The following CDH12 variants were observed in gnomAD, a reference collection of about 807,000 sequenced individuals.
CDH12 encodes the protein cadherin 12, also known as cadherin-12.
A neutral mutation model predicts 74.1 loss-of-function variants in CDH12; 41 were observed. The ratio of observed to expected loss-of-function variants is 0.55; its 90% CI spans 0.43 to 0.72. The LOEUF is 0.72. CDH12 is among the 30% of genes least tolerant of loss of function. The pLI is 0.00. For synonymous variants in CDH12, 399 were observed against 355.0 expected (o/e 1.12, Z -1.39); for missense variants, 945 against 977.2 (o/e 0.97, Z 0.44).
chr5:22,685,035 T>G (rs1171524273), intron 1 of CDH12, among the ~76,000 whole-genome samples: 1 of 152,144 alleles, frequency 6.6e-6, no homozygotes. Flanking sequence ...AATAAAGACC[T>G]CTACGTACAT....
At chr5:22,560,761 T>C (rs1341432385) in intron 1 of CDH12, among the ~76,000 whole-genome samples, 1 of 152,186 alleles carries the variant, frequency 6.6e-6, no homozygotes, top group Non-Finnish European at 1.5e-5. Context: ...ATTTATTTTA[T>C]ATTAATGTGC....
chr5:22,475,048 G>T (rs553390157), intron 2 of CDH12, among the ~76,000 whole-genome samples: 1 of 150,520 alleles, frequency 6.6e-6, no homozygotes, highest in Non-Finnish European at 1.5e-5. Flanking sequence ...TTGACTAGAG[G>T]GGGTGTTTGC....
intron 6 of CDH12, among the ~76,000 whole-genome samples, chr5:21,879,418 T>C (rs1390284089): frequency 2.0e-5 from 3 of 151,820 alleles, no homozygotes; most frequent in Admixed American, 6.5e-5. Flanking sequence ...CCACAATACA[T>C]GCAGATATCT....
intron 5 of CDH12, among the ~76,000 whole-genome samples, chr5:22,015,047 A>G (rs533823456): frequency 1.2e-4 from 19 of 152,142 alleles, no homozygotes; most frequent in Non-Finnish European, 2.4e-4. Flanking sequence ...AAGCAAAACA[A>G]TGGGAAATTT....
At chr5:22,711,373 G>A (rs757491451) in intron 1 of CDH12, among the ~76,000 whole-genome samples, 20 of 152,128 alleles carry the variant, frequency 1.3e-4, no homozygotes, top group Non-Finnish European at 2.9e-4. Flanking sequence ...CATAGTTCTA[G>A]AGATTGCTTA....
chr5:21,866,472 C>T (rs764802191), intron 6 of CDH12, among the ~76,000 whole-genome samples: 10 of 152,184 alleles, frequency 6.6e-5, no homozygotes, highest in Non-Finnish European at 1.3e-4. Flanking sequence ...CTGTTGGCAA[C>T]TGGAGCAAAG....
chr5:22,588,926 G>A (rs73062211), intron 1 of CDH12, among the ~76,000 whole-genome samples: 5,593 of 152,106 alleles, frequency 0.037, 322 homozygotes, highest in African/African-American at 0.12. Flanking sequence ...CACTCTTATA[G>A]GCTATAACCA....
chr5:22,346,627 G>T (rs1255169793), intron 3 of CDH12, among the ~76,000 whole-genome samples: 1 of 152,166 alleles, frequency 6.6e-6, no homozygotes, highest in Admixed American at 6.5e-5. Flanking sequence ...ATGTCAATCT[G>T]GGAGTTGGTA....
At chr5:22,174,198 C>T (rs577581220) in intron 4 of CDH12, among the ~76,000 whole-genome samples, 2 of 152,034 alleles carry the variant, frequency 1.3e-5, no homozygotes, top group African/African-American at 2.4e-5. Context: ...TCCTCAACTT[C>T]GACTAAATCC....
chr5:21,824,122 G>A (rs369970541), intron 8 of CDH12, among the ~76,000 whole-genome samples: 4 of 152,174 alleles, frequency 2.6e-5, no homozygotes, highest in East Asian at 3.9e-4. Flanking sequence ...CCCCACCCAC[G>A]TCCAAGCCAA....
At chr5:22,273,569 T>A (rs2150401718) in intron 3 of CDH12, among the ~76,000 whole-genome samples, 1 of 152,344 alleles carries the variant, frequency 6.6e-6, no homozygotes. Context: ...TGATATAGTT[T>A]GCATTGTTTC....
At chr5:21,832,043 T>C (rs971929972) in intron 8 of CDH12, among the ~76,000 whole-genome samples, 1 of 152,096 alleles carries the variant, frequency 6.6e-6, no homozygotes, top group Non-Finnish European at 1.5e-5. Flanking sequence ...TTGGTAAGAT[T>C]AGGGGCAATA....
intron 1 of CDH12, among the ~76,000 whole-genome samples, chr5:22,626,258 C>T (rs1168887076): frequency 6.6e-6 from 1 of 152,222 alleles, no homozygotes; most frequent in African/African-American, 2.4e-5. Flanking sequence ...CACCCTGATG[C>T]ATCACTGCAG....
chr5:22,749,673 T>G (rs1745464079), intron 1 of CDH12, among the ~76,000 whole-genome samples: 1 of 152,080 alleles, frequency 6.6e-6, no homozygotes, highest in African/African-American at 2.4e-5. Flanking sequence ...TATGTCACTA[T>G]TTTTTCTATG....
chr5:21,811,334 A>T (rs925524850), intron 9 of CDH12, among the ~76,000 whole-genome samples: 42 of 152,122 alleles, frequency 2.8e-4, no homozygotes. Context: ...TATTTTGGAT[A>T]ACAAGTATTC....
chr5:22,191,554 CTTTTTAT>C (rs1750279105), intron 4 of CDH12, among the ~76,000 whole-genome samples: 1 of 55,202 alleles, frequency 1.8e-5, no homozygotes, highest in Non-Finnish European at 3.3e-5. Context: ...CACCAATGGT[CTTTTTAT>C]TTTTATTTTT....
At chr5:22,374,359 A>C (rs1201391742) in intron 3 of CDH12, among the ~76,000 whole-genome samples, 1 of 152,218 alleles carries the variant, frequency 6.6e-6, no homozygotes, top group African/African-American at 2.4e-5. Context: ...AATTACATTG[A>C]ATGGGGAAAA....
chr5:22,207,667 T>C (rs894698923), intron 4 of CDH12, among the ~76,000 whole-genome samples: 1 of 152,140 alleles, frequency 6.6e-6, no homozygotes, highest in African/African-American at 2.4e-5. Context: ...AATAGAATGG[T>C]TTCTCTAAAA....
In CDH12 at chr5:22,127,008, T is replaced by C. The variant is rs370943059; in HGVS notation, c.-186-48146A>G. The stretch of plus-strand genomic sequence containing the variant: ...GAACATGTGTTAAAAGAGGGACTTC[T>C]GGCTAATTTTACAAAGAAGGATAAA... On this transcript the variant is annotated intron_variant, in intron 4 of 14. Coordinates refer to ENST00000382254, the MANE Select transcript of CDH12 (RefSeq NM_004061.5). 2.7e-3 allele frequency among the ~76,000 whole-genome samples: 418 copies of C among 152,362 alleles called. 2 individuals carry two copies. Among genetic ancestry groups the C allele is most frequent in the Non-Finnish European group, 3.6e-3 (247 of 68,036 alleles).
Sources: gnomAD v4.1 joint callset for allele counts (sites outside exome capture counted in the v4.1 genomes callset) on GRCh38, gnomAD v4.1.1 for gene constraint, MANE v1.5 for transcripts, NCBI Gene and HGNC (gene_info 2026-07-23, HGNC 2026-07-21) for gene names.